ARPC1B: variants seen among roughly 807,000 people sequenced by gnomAD.
The protein encoded by ARPC1B is actin related protein 2/3 complex subunit 1B, also known as actin-related protein 2/3 complex subunit 1B.
Under a neutral mutation model 46.0 loss-of-function variants are expected in ARPC1B, and 29 were observed. The ratio of observed to expected loss-of-function variants is 0.63; its 90% CI spans 0.47 to 0.86. The LOEUF (loss-of-function observed/expected upper bound fraction) is 0.86. Ranked by LOEUF, ARPC1B falls within the 40% of genes least tolerant of loss-of-function variation. The pLI is 0.00. For synonymous variants in ARPC1B, 201 were observed against 213.9 expected, an observed-to-expected ratio of 0.94 and a Z score of 0.53; for missense variants, 469 against 529.4, an observed-to-expected ratio of 0.89 and a Z score of 1.12.
chr7:99,374,417 G>A (rs559567059), upstream of ARPC1B: 24 of 152,312 alleles, frequency 1.6e-4, no homozygotes, highest in African/African-American at 5.3e-4. This position sits in a 1 kb window ranked among gnomAD's most constrained non-coding sequence, Gnocchi z 5.0. Context: ...GCGCCCGGCA[G>A]TCCCCGGGGG....
In ARPC1B at chr7:99,394,700, A is replaced by G. The variant is rs867165095; in HGVS notation, c.*211A>G. On this transcript the variant is annotated 3_prime_UTR_variant, in exon 10 of 10. Transcript: ENST00000646101. ...TTTCTTAAATGCTTTCATTTATTGA[A>G]AAAAAAAAAAAATGCCCCCAAAGCA... 256 of 887,756 alleles carry G rather than the reference A, an allele frequency of 2.9e-4. No homozygotes were observed. In the Middle Eastern group the frequency reaches 7.5e-3, roughly 26 times the overall value. The allele number at this position is 887,756 out of a possible 1,614,324, so 55.0% of individuals were successfully genotyped here.
Position 99,383,677 on chromosome 7 carries a change from C to CA in ARPC1B, c.-13-2024dup, listed in dbSNP as rs539674363. ...ATTTGAGTACAGACTTGAGTGGCAG[C>CA]ACCAGAGCGAGAGCCGTGTGTGCCG... On this transcript the variant is annotated intron_variant, in intron 1 of 9. Transcript: ENST00000646101. Among the ~76,000 whole-genome samples the CA allele has an allele frequency of 1.3e-3, 203 of 152,308 alleles. 1 individual carries two copies. Among genetic ancestry groups the CA allele is most frequent in the African/African-American group, 4.6e-3 (191 of 41,566 alleles).
In ARPC1B at chr7:99,388,219, C is replaced by T. The variant is rs748176645; in HGVS notation, c.350C>T (p.Ser117Phe). 1.2e-6 allele frequency: 2 copies of T among 1,614,206 alleles called. No individual in the cohort carries two copies. The highest frequency in any genetic ancestry group is 1.7e-6 in the Non-Finnish European group (2 of 1,180,018). The part of the protein sequence containing the change: ...NENKFAVGSG[S>F]RVISICYFEQ... ...AACAAGTTTGCTGTGGGCAGCGGCTCTCGTGTGATCTCCATCTGTTATTTC... is the reference window on the plus strand; with the variant it reads ...AACAAGTTTGCTGTGGGCAGCGGCTTTCGTGTGATCTCCATCTGTTATTTC... The change falls in exon 4 of 10, where the codon TCT becomes TTT. Residue 117 changes from serine (S) to phenylalanine (F), a missense_variant. Transcript: ENST00000646101.
At chr7:99,386,845 T>C in intron 3 of ARPC1B, 56 bp downstream of exon 3, 1 of 1,389,444 alleles carries the variant, frequency 7.2e-7, no homozygotes, top group Non-Finnish European at 1.0e-6. Context: ...GTTGGGGGGG[T>C]GGTGCAAGGC....
At chr7:99,381,337 C>G (rs10270459) in intron 1 of ARPC1B, among the ~76,000 whole-genome samples, 53,792 of 151,988 alleles carry the variant, frequency 0.35, 16,210 homozygotes, top group African/African-American at 0.82. Flanking sequence ...GTGTGAGGCT[C>G]AACACGTGCA....
intron 1 of ARPC1B, among the ~76,000 whole-genome samples, chr7:99,375,328 C>T (rs574710210): frequency 6.6e-6 from 1 of 152,298 alleles, no homozygotes; most frequent in South Asian, 2.1e-4. Context: ...GCCGCCCCGC[C>T]CCTGCCCTCC....
Position 99,390,940 on chromosome 7 carries a change from C to A in ARPC1B, c.548C>A (p.Thr183Asn). Reference protein sequence around the residue: ...IKEVEERPAPTPWGSKMPFGE... With the variant: ...IKEVEERPAPNPWGSKMPFGE... The stretch of plus-strand genomic sequence containing the variant: ...GAGGTGGAGGAACGGCCGGCACCCA[C>A]CCCGTGGGGCTCCAAGATGCCCTTT... The change falls in exon 6 of 10, where the codon ACC becomes AAC. Residue 183 changes from threonine to asparagine, a missense_variant. Transcript: ENST00000646101. 2 of 1,613,350 alleles carry A rather than the reference C, an allele frequency of 1.2e-6. No individual in the cohort carries two copies. The highest frequency in any genetic ancestry group is 1.7e-6 in the Non-Finnish European group (2 of 1,179,596).
chr7:99,393,385 TC>T (rs1408897518), intron 8 of ARPC1B, among the ~76,000 whole-genome samples: 1 of 152,032 alleles, frequency 6.6e-6, no homozygotes, highest in Non-Finnish European at 1.5e-5. Flanking sequence ...GTGGGGACTG[TC>T]GTAGGGCTGG....
chr7:99,389,729 C>T, intron 4 of ARPC1B, 176 bp from the exon 5 acceptor site: 1 of 636,412 alleles, frequency 1.6e-6, no homozygotes, highest in Non-Finnish European at 2.8e-6. Context: ...CGACACAGCA[C>T]ATCCCTGCCG....
chr7:99,393,094 T>C (rs1794628907), intron 8 of ARPC1B, among the ~76,000 whole-genome samples: 1 of 152,190 alleles, frequency 6.6e-6, no homozygotes, highest in African/African-American at 2.4e-5. Flanking sequence ...GGCCGATTTG[T>C]GGGCGGGGCC....
At chr7:99,386,623 T>C (rs777440922) in intron 2 of ARPC1B, 62 bp from the exon 3 acceptor site, 37 of 1,220,790 alleles carry the variant, frequency 3.0e-5, no homozygotes, top group Non-Finnish European at 4.3e-5. Context: ...CACTGTGTAG[T>C]GTGTCCTGGC....
intron 1 of ARPC1B, 69 bp from the exon 2 acceptor site, chr7:99,385,633 C>G (rs1175998007): frequency 1.3e-5 from 18 of 1,354,266 alleles, no homozygotes; most frequent in Non-Finnish European, 1.7e-5. Flanking sequence ...TCATCTGGGG[C>G]CTGGTATGGG....
chr7:99,378,406 C>A (rs1349216066), intron 1 of ARPC1B, among the ~76,000 whole-genome samples: 1 of 150,570 alleles, frequency 6.6e-6, no homozygotes, highest in Non-Finnish European at 1.5e-5. Context: ...TGGGGCCAGG[C>A]GTGGTGGCTC....
chr7:99,386,656 C>T, intron 2 of ARPC1B, 29 bp from the exon 3 acceptor site: 1 of 1,541,660 alleles, frequency 6.5e-7, no homozygotes, highest in Non-Finnish European at 9.0e-7. Context: ...TGGAGAGGGC[C>T]CCTCAATCTC....
At chr7:99,380,800 C>T (rs1794193325) in intron 1 of ARPC1B, among the ~76,000 whole-genome samples, 1 of 152,160 alleles carries the variant, frequency 6.6e-6, no homozygotes, top group Non-Finnish European at 1.5e-5. Context: ...CTGGGCTCTC[C>T]CACCCTCATC....
intron 1 of ARPC1B, among the ~76,000 whole-genome samples, chr7:99,379,348 G>C (rs1292124726): frequency 3.3e-5 from 5 of 152,170 alleles, no homozygotes; most frequent in Admixed American, 6.6e-5. Flanking sequence ...GAGCTGGAGA[G>C]GGAAGGATAG....
At chr7:99,380,054 C>T (rs886199513) in intron 1 of ARPC1B, among the ~76,000 whole-genome samples, 1 of 152,206 alleles carries the variant, frequency 6.6e-6, no homozygotes, top group East Asian at 1.9e-4. Context: ...GGAGCCATCA[C>T]TGAGACCTTA....
intron 4 of ARPC1B, 26 bp downstream of exon 4, chr7:99,388,287 G>C: frequency 6.2e-7 from 1 of 1,608,556 alleles, no homozygotes; most frequent in African/African-American, 1.3e-5. Context: ...GGGCCAGAGT[G>C]GGCTGTTAGG....
intron 7 of ARPC1B, chr7:99,391,921 G>A (rs1398464474): frequency 6.6e-6 from 1 of 152,014 alleles, no homozygotes; most frequent in African/African-American, 2.4e-5. Flanking sequence ...GTGTGGTGGT[G>A]GGCGCCCATG....
Sources: allele counts gnomAD v4.1 joint callset (sites outside exome capture counted in the v4.1 genomes callset), GRCh38; gene constraint gnomAD v4.1.1; non-coding constraint Gnocchi (gnomAD v3.1); transcripts MANE v1.5; gene names NCBI Gene and HGNC (gene_info 2026-07-23, HGNC 2026-07-21).